Variants in RECQL5 observed in about 807,000 individuals in gnomAD.
The protein encoded by RECQL5 is RecQ like helicase 5.
A neutral mutation model predicts 103.4 loss-of-function variants in RECQL5; 88 were observed. That is an observed-to-expected ratio of 0.85 (90% CI 0.72 to 1.02). The LOEUF (loss-of-function observed/expected upper bound fraction) is 1.02, where lower values mean the gene tolerates loss of function less well. RECQL5 is among the 50% of genes least tolerant of loss of function. The probability of loss-of-function intolerance (pLI) is 0.00; values close to 1 mark genes in which losing one functional copy is unlikely to be tolerated. For synonymous variants in RECQL5, 552 were observed against 507.9 expected (o/e 1.09, Z -1.17); for missense variants, 1,232 against 1,284.3 (o/e 0.96, Z 0.62).
rs368916728 is a variant in RECQL5 at position 75,661,044 on chromosome 17, C to A, written c.897G>T (p.Thr299=). The A allele has an allele frequency of 6.2e-7, 1 of 1,614,174 alleles. No homozygotes were observed. The highest frequency in any genetic ancestry group is 8.5e-7 in the Non-Finnish European group (1 of 1,179,990). ...CCTCCATCCAGTCGTTCTGCACCAG[C>A]GTTCTTTCAGAGGCCTTCAGCCCTG... is the stretch of plus-strand genomic sequence containing the variant. The part of the protein sequence containing the change: ...YHAGLKASER[T]LVQNDWMEEK... The change falls in exon 6 of 20, where the codon ACG becomes ACT. Residue 299 remains threonine (T), a synonymous_variant. Coordinates refer to ENST00000317905, the MANE Select transcript of RECQL5 (RefSeq NM_004259.7).
intron 8 of RECQL5, among the ~76,000 whole-genome samples, chr17:75,635,022 G>A (rs538751205): frequency 2.0e-5 from 3 of 152,294 alleles, no homozygotes; most frequent in South Asian, 4.1e-4. Context: ...CCCGTGAGCC[G>A]AGGCTGCCTA....
rs887804310 is a variant in RECQL5, at chr17:75,662,411, A to G, written c.771+68T>C. The G allele has an allele frequency of 1.4e-5, 21 of 1,506,970 alleles. No individual in the cohort carries two copies. In the African/African-American group the frequency reaches 1.8e-4, roughly 13 times the overall value. 93.3% of individuals were successfully genotyped at this position (1,506,970 alleles called of 1,614,324 possible). ...TAGAAAAACCAAAGGTCTTAGACTAATCTCCATCTCCATCACATCGCACCC... is the reference window on the plus strand; with the variant it reads ...TAGAAAAACCAAAGGTCTTAGACTAGTCTCCATCTCCATCACATCGCACCC... On this transcript the variant is annotated intron_variant, in intron 4 of 19. Coordinates refer to ENST00000317905, the MANE Select transcript of RECQL5 (RefSeq NM_004259.7).
At chr17:75,666,319 G>T in intron 2 of RECQL5, 109 bp downstream of exon 2, 1 of 1,294,488 alleles carries the variant, frequency 7.7e-7, no homozygotes, top group Non-Finnish European at 1.1e-6. Flanking sequence ...TCCAAATCCA[G>T]TTATGGACCA....
In RECQL5 at chr17:75,629,155, C is replaced by T. The variant is rs367646178; in HGVS notation, c.2268G>A (p.Ala756=). 1.3e-4 allele frequency: 210 copies of T among 1,613,714 alleles called. No individual in the cohort carries two copies. The highest frequency in any genetic ancestry group is 1.7e-4 in the Non-Finnish European group (195 of 1,180,006). The change falls in exon 16 of 20, where the codon GCG becomes GCA. Residue 756 remains alanine (A), a synonymous_variant. Transcript: ENST00000317905. The part of the protein sequence containing the change: ...ASKKQQLLAT[A]AHKDSQSIAR... ...CGATGCTCTGAGAATCCTTGTGGGC[C>T]GCTGTGGCTAGGAGCTGCTGTTTCT...
chr17:75,638,738 C>T (rs1386093193), intron 8 of RECQL5: 3 of 152,254 alleles, frequency 2.0e-5, no homozygotes, highest in Non-Finnish European at 4.4e-5. Flanking sequence ...CCTCAAAACA[C>T]GGGCATCTCA....
At position 75,661,682 on chromosome 17, in the gene RECQL5, G is replaced by A; in HGVS notation, c.798C>T (p.Cys266=). ...GCTGTTCACAAGCCTCTCTAGTCCTGCAGTACACAATGCCGCAGCCAGATA... is the reference window on the plus strand; with the variant it reads ...GCTGTTCACAAGCCTCTCTAGTCCTACAGTACACAATGCCGCAGCCAGATA... ...KGLSGCGIVY[C]RTREACEQLA... is the part of the protein sequence containing the mutation. The change falls in exon 5 of 20, where the codon TGC becomes TGT. Residue 266 remains cysteine, a synonymous_variant. Coordinates refer to ENST00000317905, the MANE Select transcript of RECQL5 (RefSeq NM_004259.7). 1 of 1,614,072 alleles carries A rather than the reference G, an allele frequency of 6.2e-7. No individual in the cohort carries two copies. The highest frequency in any genetic ancestry group is 8.5e-7 in the Non-Finnish European group (1 of 1,179,976).
chr17:75,630,793 TG>T lies in RECQL5; in HGVS notation c.1629del (p.Arg544GlyfsTer2). 1 of 1,452,526 alleles carries T rather than the reference TG, an allele frequency of 6.9e-7. No homozygotes were observed. Among genetic ancestry groups the T allele is most frequent in the African/African-American group, 1.6e-5 (1 of 62,828 alleles). The allele number at this position is 1,452,526 out of a possible 1,614,324, so 90.0% of individuals were successfully genotyped here. Reference sequence around the variant, plus strand: ...CCGTCTCTTACCTTCACAGTCAGCCTGGGGATCCTCCTGCTAGAAGCCTCTT... The same window carrying T: ...CCGTCTCTTACCTTCACAGTCAGCCTGGGATCCTCCTGCTAGAAGCCTCTT... ...PLKEASSRRI[P>X]RLTVKAREHC... On this transcript the variant is annotated frameshift_variant, in exon 12 of 20. Coordinates refer to ENST00000317905, the MANE Select transcript of RECQL5 (RefSeq NM_004259.7). LOFTEE classifies it high-confidence loss of function.
At chr17:75,641,049 G>C in intron 8 of RECQL5, 1 of 1,365,584 alleles carries the variant, frequency 7.3e-7, no homozygotes. Context: ...CTGACAACTT[G>C]AGCCCTACCA....
intron 8 of RECQL5, among the ~76,000 whole-genome samples, chr17:75,643,305 G>A (rs2059454179): frequency 6.6e-6 from 1 of 152,246 alleles, no homozygotes; most frequent in South Asian, 2.1e-4. Flanking sequence ...CCCTTTGTTA[G>A]AAAATATTCT....
In RECQL5 at chr17:75,627,335, G is replaced by A. The variant is rs1005308024; in HGVS notation, c.*87C>T. On this transcript the variant is annotated 3_prime_UTR_variant, in exon 20 of 20. Coordinates refer to ENST00000317905, the MANE Select transcript of RECQL5 (RefSeq NM_004259.7). ...GAAAGGAGAAGGACTGAGAAAAGAC[G>A]ATGGCCCTGGCATCAGCAGGTGAGG... The A allele has an allele frequency of 8.0e-6, 8 of 1,001,888 alleles. No homozygotes were observed. The highest frequency in any genetic ancestry group is 2.4e-5 in the East Asian group (1 of 41,936). 62.1% of individuals were successfully genotyped at this position (1,001,888 alleles called of 1,614,324 possible). A position where few individuals can be genotyped will look rare whatever the true frequency, so the allele number is the denominator to read the frequency against.
chr17:75,648,236 A>T (rs2059511844), intron 8 of RECQL5, among the ~76,000 whole-genome samples: 1 of 152,130 alleles, frequency 6.6e-6, no homozygotes, highest in Admixed American at 6.5e-5. Context: ...TGGCCTAGTT[A>T]GTCCTTCCTC....
chr17:75,658,477 G>A lies in RECQL5; in HGVS notation c.987-17C>T, dbSNP rs749164229. 6.2e-7 allele frequency: 1 copy of A among 1,611,858 alleles called. No individual in the cohort carries two copies. The highest frequency in any genetic ancestry group is 8.5e-7 in the Non-Finnish European group (1 of 1,178,624). On this transcript the variant is annotated splice_polypyrimidine_tract_variant and intron_variant, in intron 6 of 19. Transcript: ENST00000317905. ...GCGACAAACCTGTAGGATCCAAAGGGACAAGCAGCATGAGATGGTGGAGAA... is the reference window on the plus strand; with the variant it reads ...GCGACAAACCTGTAGGATCCAAAGGAACAAGCAGCATGAGATGGTGGAGAA...
Position 75,665,009 on chromosome 17 carries a change from C to T in RECQL5, c.252+42G>A, listed in dbSNP as rs371634638. The T allele has an allele frequency of 1.2e-4, 180 of 1,502,960 alleles. 1 individual carries two copies. Among genetic ancestry groups the T allele is most frequent in the Middle Eastern group, 1.8e-4 (1 of 5,682 alleles). 93.1% of individuals were successfully genotyped at this position (1,502,960 alleles called of 1,614,324 possible). A position where few individuals can be genotyped will look rare whatever the true frequency, so the allele number is the denominator to read the frequency against. Reference sequence around the variant, plus strand: ...ATTTCCAGCCTCAAAAAACCTTCCCCGAATCTTTTTGGGCTACCATCTTCA... The same window carrying T: ...ATTTCCAGCCTCAAAAAACCTTCCCTGAATCTTTTTGGGCTACCATCTTCA... On this transcript the variant is annotated intron_variant, in intron 3 of 19. Transcript: ENST00000317905.
At position 75,640,735 on chromosome 17, in the gene RECQL5, G is replaced by A. The variant is rs888727816; in HGVS notation, c.1230-9067C>T. The A allele has an allele frequency of 1.3e-6, 2 of 1,528,542 alleles. No individual in the cohort carries two copies. Among genetic ancestry groups the A allele is most frequent in the Non-Finnish European group, 1.8e-6 (2 of 1,132,010 alleles). The allele number at this position is 1,528,542 out of a possible 1,614,324, so 94.7% of individuals were successfully genotyped here. A position where few individuals can be genotyped will look rare whatever the true frequency, so the allele number is the denominator to read the frequency against. ...GGCAGTGGGTTTCTCTGGGAGGAGG[G>A]TGGGCATCCTTTCTCTCCCCCAACC... On this transcript the variant is annotated intron_variant, in intron 8 of 19. Transcript: ENST00000317905. The surrounding 1 kb of genome is among the most constrained non-coding windows in gnomAD (Gnocchi z 4.6).
chr17:75,633,490 G>A (rs919802526), intron 8 of RECQL5: 17 of 1,288,908 alleles, frequency 1.3e-5, no homozygotes, highest in Middle Eastern at 2.1e-4. Flanking sequence ...CTTGCCGGGC[G>A]CGCAGGCCAC....
intron 8 of RECQL5, among the ~76,000 whole-genome samples, chr17:75,642,659 T>C (rs1421348285): frequency 6.6e-6 from 1 of 152,246 alleles, no homozygotes; most frequent in African/African-American, 2.4e-5. Flanking sequence ...AAGATGATGA[T>C]GAAGATGGCT....
intron 8 of RECQL5, among the ~76,000 whole-genome samples, chr17:75,634,646 C>T (rs2059285523): frequency 6.6e-6 from 1 of 152,242 alleles, no homozygotes; most frequent in African/African-American, 2.4e-5. Context: ...GCGGCGCCCC[C>T]AGGATGCAGC....
intron 8 of RECQL5, chr17:75,633,527 C>G: frequency 7.8e-7 from 1 of 1,287,376 alleles, no homozygotes; most frequent in Non-Finnish European, 1.0e-6. Flanking sequence ...ATTCCAAGTT[C>G]TCCCCCAAGA....
chr17:75,651,334 T>C (rs2059552974), intron 7 of RECQL5, 69 bp from the exon 8 acceptor site: 12 of 1,584,938 alleles, frequency 7.6e-6, no homozygotes, highest in South Asian at 1.1e-5. Flanking sequence ...CAAAAAGTAA[T>C]GAGGAGGCCG....
Sources: gnomAD v4.1 joint callset for allele counts (sites outside exome capture counted in the v4.1 genomes callset) on GRCh38, gnomAD v4.1.1 for gene constraint, Gnocchi (gnomAD v3.1) non-coding constraint, MANE v1.5 for transcripts, NCBI Gene and HGNC (gene_info 2026-07-23, HGNC 2026-07-21) for gene names.